SLC24A2: variants seen among roughly 807,000 people sequenced by gnomAD.
SLC24A2 encodes sodium/potassium/calcium exchanger 2.
In SLC24A2, 36 loss-of-function variants were observed where a neutral mutation model predicts 62.0. The observed-to-expected ratio is 0.58, with a 90% CI of 0.44 to 0.77. SLC24A2 has a LOEUF of 0.77. Among genes scored for constraint, SLC24A2 ranks in the 30% least tolerant of loss-of-function variants. The pLI is 0.00. For synonymous variants in SLC24A2, 358 were observed against 294.0 expected, an observed-to-expected ratio of 1.22 and a Z score of -2.23; for missense variants, 846 against 817.9, an observed-to-expected ratio of 1.03 and a Z score of -0.42.
chr9:20,221,210 G>A, the SLC24A2 span, among the ~76,000 whole-genome samples: 2 of 152,040 alleles, frequency 1.3e-5, no homozygotes, highest in Non-Finnish European at 2.9e-5. Flanking sequence ...GTGTCAGGGT[G>A]GGGGGTGCAA....
At chr9:19,743,005 C>T (rs1183387069) in intron 2 of SLC24A2, among the ~76,000 whole-genome samples, 1 of 151,956 alleles carries the variant, frequency 6.6e-6, no homozygotes, top group African/African-American at 2.4e-5. Context: ...GTAGAGGATC[C>T]TTATGTTACT....
chr9:20,113,527 T>C, the SLC24A2 span, among the ~76,000 whole-genome samples: 1 of 152,336 alleles, frequency 6.6e-6, no homozygotes, highest in Middle Eastern at 3.4e-3. Context: ...TTAGCTTCAC[T>C]AGTTTTTAAC....
At chr9:20,064,172 T>C in the SLC24A2 span, among the ~76,000 whole-genome samples, 1 of 152,074 alleles carries the variant, frequency 6.6e-6, no homozygotes, top group Non-Finnish European at 1.5e-5. Flanking sequence ...CATGTTAAAA[T>C]ATGGATGGAC....
At chr9:19,905,578 T>A in the SLC24A2 span, among the ~76,000 whole-genome samples, 1 of 151,966 alleles carries the variant, frequency 6.6e-6, no homozygotes, top group African/African-American at 2.4e-5. Flanking sequence ...CACACCCGGC[T>A]AATTTTGTAT....
At position 19,636,322 on chromosome 9, in the gene SLC24A2, T is replaced by TTCTTTCCTTTTCTTTC. The variant is rs376017966; in HGVS notation, c.931-14024_931-14023insGAAAGAAAAGGAAAGA. On this transcript the variant is annotated intron_variant, in intron 2 of 10. Transcript: ENST00000341998. The stretch of plus-strand genomic sequence containing the variant: ...TTCTTTTCTTTTCTTTTCTTTTCTT[T>TTCTTTCCTTTTCTTTC]CTTTCTTTCTTTCTTTCTTTCTTTC... 3.2e-3 allele frequency among the ~76,000 whole-genome samples: 98 copies of TTCTTTCCTTTTCTTTC among 30,566 alleles called. 9 individuals carry two copies. Among genetic ancestry groups the TTCTTTCCTTTTCTTTC allele is most frequent in the African/African-American group, 0.011 (90 of 8,262 alleles). 20.1% of individuals were successfully genotyped at this position (30,566 alleles called of 152,430 possible). A position where few individuals can be genotyped will look rare whatever the true frequency, so the allele number is the denominator to read the frequency against.
intron 2 of SLC24A2, among the ~76,000 whole-genome samples, chr9:19,698,436 A>G (rs1248904255): frequency 3.3e-5 from 5 of 152,294 alleles, no homozygotes; most frequent in African/African-American, 1.2e-4. Context: ...AATCCAAAAC[A>G]CTTCTGGTTC....
the SLC24A2 span, among the ~76,000 whole-genome samples, chr9:20,095,707 T>C: frequency 6.6e-6 from 1 of 151,968 alleles, no homozygotes. Context: ...ATGGTATCTG[T>C]ATTAGTTCGT....
the SLC24A2 span, among the ~76,000 whole-genome samples, chr9:20,256,833 C>T: frequency 6.1e-4 from 92 of 152,034 alleles, no homozygotes; most frequent in Admixed American, 9.8e-4. Flanking sequence ...TTATTTGCTC[C>T]TGCCATGCCC....
the SLC24A2 span, among the ~76,000 whole-genome samples, chr9:20,036,724 T>C: frequency 1.5e-4 from 23 of 152,330 alleles, 1 homozygote; most frequent in East Asian, 2.3e-3. Flanking sequence ...TCTTTCGGTA[T>C]CCCTGGGGGA....
At chr9:20,047,081 T>C in the SLC24A2 span, among the ~76,000 whole-genome samples, 13 of 152,096 alleles carry the variant, frequency 8.5e-5, no homozygotes, top group Admixed American at 5.2e-4. Flanking sequence ...GGTTCAGCAA[T>C]AGCCTATCAG....
the SLC24A2 span, among the ~76,000 whole-genome samples, chr9:20,273,607 T>C: frequency 6.6e-6 from 1 of 152,198 alleles, no homozygotes; most frequent in Non-Finnish European, 1.5e-5. Context: ...GCCATCCACA[T>C]AAGACGTGAC....
chr9:19,768,191 G>T (rs1440026766), intron 2 of SLC24A2, among the ~76,000 whole-genome samples: 1 of 152,116 alleles, frequency 6.6e-6, no homozygotes, highest in Non-Finnish European at 1.5e-5. Context: ...AGTTTTGGAG[G>T]AGACAAACAT....
At chr9:19,763,464 A>G (rs1416840025) in intron 2 of SLC24A2, among the ~76,000 whole-genome samples, 1 of 152,184 alleles carries the variant, frequency 6.6e-6, no homozygotes, top group Non-Finnish European at 1.5e-5. Context: ...TGTCATAAAT[A>G]GCTCTTATTA....
intron 1 of SLC24A2, chr9:19,788,527 C>T (rs1335491202): frequency 1.0e-6 from 1 of 985,346 alleles, no homozygotes; most frequent in African/African-American, 1.7e-5. Context: ...GGACAGACGC[C>T]CCACCTGTGA....
intron 2 of SLC24A2, among the ~76,000 whole-genome samples, chr9:19,709,624 A>G (rs987648459): frequency 2.0e-5 from 3 of 151,950 alleles, no homozygotes; most frequent in African/African-American, 7.3e-5. Context: ...ATGAAACTGG[A>G]CACCATCATT....
Position 19,521,065 on chromosome 9 carries a change from A to C in SLC24A2, c.1570-5T>G. The C allele has an allele frequency of 1.2e-6, 2 of 1,613,854 alleles. No individual in the cohort carries two copies. The highest frequency in any genetic ancestry group is 1.7e-6 in the Non-Finnish European group (2 of 1,179,788). On this transcript the variant is annotated splice_polypyrimidine_tract_variant and splice_region_variant and intron_variant, in intron 9 of 10. Coordinates refer to ENST00000341998, the MANE Select transcript of SLC24A2 (RefSeq NM_020344.4). The stretch of plus-strand genomic sequence containing the variant: ...GATGCCAATTGTCTCTCCAACCTAA[A>C]TGTCAGGACAGGAATAAACATCTCA...
intron 1 of SLC24A2, 29 bp from the exon 2 acceptor site, chr9:19,787,048 T>C (rs1163352774): frequency 7.4e-7 from 1 of 1,356,324 alleles, no homozygotes; most frequent in Non-Finnish European, 9.5e-7. Context: ...CGAGAATAAG[T>C]AAATCATAAA....
At chr9:20,203,686 A>C in the SLC24A2 span, among the ~76,000 whole-genome samples, 3 of 149,988 alleles carry the variant, frequency 2.0e-5, no homozygotes, top group African/African-American at 7.3e-5. Flanking sequence ...TCTTAAAAGA[A>C]AAAAAAAAAG....
At chr9:20,232,669 A>T in the SLC24A2 span, among the ~76,000 whole-genome samples, 1 of 151,850 alleles carries the variant, frequency 6.6e-6, no homozygotes, top group Non-Finnish European at 1.5e-5. Flanking sequence ...AATTTTGTTG[A>T]TCCTTTCAAA....
Sources: allele counts gnomAD v4.1 joint callset (sites outside exome capture counted in the v4.1 genomes callset), GRCh38; gene constraint gnomAD v4.1.1; transcripts MANE v1.5; gene names NCBI Gene and HGNC (gene_info 2026-07-23, HGNC 2026-07-21).